RNF14: variants seen among roughly 807,000 people sequenced by gnomAD.
RNF14 encodes the protein ring finger protein 14.
Under a neutral mutation model 52.6 loss-of-function variants are expected in RNF14, and 26 were observed. That is an observed-to-expected ratio of 0.49 (90% CI 0.36 to 0.69). The LOEUF (loss-of-function observed/expected upper bound fraction) is 0.69. Ranked by LOEUF, RNF14 falls within the 30% of genes least tolerant of loss-of-function variation. RNF14 has a pLI of 0.00. For missense variants in RNF14, 404 were observed against 560.4 expected (o/e 0.72, Z 2.82); for synonymous variants, 194 against 202.0 (o/e 0.96, Z 0.34).
rs1482754146 is a variant in RNF14 at position 141,978,799 on chromosome 5, C to T, written c.803C>T (p.Pro268Leu). ...GTTCAATGCCTCAACTGCCCAGAACCAAAGTGCCCTTCGGTGGCCACTCCT... is the reference window on the plus strand; with the variant it reads ...GTTCAATGCCTCAACTGCCCAGAACTAAAGTGCCCTTCGGTGGCCACTCCT... ...GQVQCLNCPE[P>L]KCPSVATPGQ... The change falls in exon 5 of 9, where the codon CCA becomes CTA. Residue 268 changes from proline (P) to leucine (L), a missense_variant. By Grantham distance (98) the Pro-to-Leu change is moderately conservative. Coordinates refer to ENST00000394520, the MANE Select transcript of RNF14 (RefSeq NM_004290.5). 1.2e-6 allele frequency: 2 copies of T among 1,613,910 alleles called. No homozygotes were observed. Among genetic ancestry groups the T allele is most frequent in the Non-Finnish European group, 1.7e-6 (2 of 1,179,820 alleles).
chr5:141,966,097 A>G (rs920319233), upstream of RNF14, among the ~76,000 whole-genome samples: 5 of 152,142 alleles, frequency 3.3e-5, no homozygotes, highest in Non-Finnish European at 5.9e-5. Flanking sequence ...CCTGGGCAAC[A>G]TGGTGAAACC....
At chr5:141,956,970 G>A, upstream of RNF14, 2 of 1,614,182 alleles carry the variant, frequency 1.2e-6, no homozygotes, top group African/African-American at 1.3e-5. Flanking sequence ...CAATACTGAA[G>A]GTGTCCAGCA....
chr5:141,978,962 G>A (rs1192034133), intron 5 of RNF14, 132 bp downstream of exon 5: 1 of 931,992 alleles, frequency 1.1e-6, no homozygotes, highest in African/African-American at 1.7e-5. Flanking sequence ...TTGTTTTGCT[G>A]TATCCATTAA....
At chr5:141,957,311 C>T, upstream of RNF14, 1 of 1,613,006 alleles carries the variant, frequency 6.2e-7, no homozygotes, top group Non-Finnish European at 8.5e-7. This position sits in a 1 kb window ranked among gnomAD's most constrained non-coding sequence, Gnocchi z 4.3. Flanking sequence ...ACATCCAAGG[C>T]AAAGTGCTCA....
the RNF14 span, among the ~76,000 whole-genome samples, chr5:141,950,609 A>G: frequency 1.3e-5 from 2 of 152,124 alleles, no homozygotes; most frequent in African/African-American, 4.8e-5. Context: ...ATAAAGCAAG[A>G]CTTCAAATCC....
the RNF14 span, chr5:141,949,360 T>C: frequency 1.3e-6 from 2 of 1,514,154 alleles, no homozygotes; most frequent in South Asian, 2.7e-5. Flanking sequence ...CTGCAGTGGA[T>C]TGGAGCAGAA....
chr5:141,967,486 C>G (rs1179233897), upstream of RNF14, among the ~76,000 whole-genome samples: 1 of 152,106 alleles, frequency 6.6e-6, no homozygotes, highest in African/African-American at 2.4e-5. Flanking sequence ...CATCCTTCCC[C>G]CTAAGTCCCC....
intron 2 of RNF14, among the ~76,000 whole-genome samples, chr5:141,971,607 C>T: frequency 3.0e-5 from 3 of 100,116 alleles, no homozygotes; most frequent in Admixed American, 1.1e-4. Context: ...TTCTTTCTTT[C>T]TTTCCTTTCT....
At chr5:141,967,317 C>G (rs1753376613), upstream of RNF14, among the ~76,000 whole-genome samples, 1 of 152,076 alleles carries the variant, frequency 6.6e-6, no homozygotes, top group South Asian at 2.1e-4. Context: ...CAGGGCACTT[C>G]TTTTTTATTT....
intron 4 of RNF14, among the ~76,000 whole-genome samples, chr5:141,976,064 C>G (rs1754219426): frequency 6.6e-6 from 1 of 152,168 alleles, no homozygotes; most frequent in Non-Finnish European, 1.5e-5. Context: ...AGTACTTTCA[C>G]AAACTAGAGC....
intron 4 of RNF14, among the ~76,000 whole-genome samples, chr5:141,975,462 C>T (rs907631817): frequency 2.0e-5 from 3 of 152,164 alleles, no homozygotes; most frequent in Non-Finnish European, 2.9e-5. Context: ...ACTGGTATCA[C>T]GTAGACATAA....
At chr5:141,954,394 T>G (rs9324860), upstream of RNF14, among the ~76,000 whole-genome samples, 67 of 152,326 alleles carry the variant, frequency 4.4e-4, no homozygotes, top group African/African-American at 1.5e-3. Flanking sequence ...AGAAGTGCTT[T>G]GAGGAAGTAA....
Position 141,974,936 on chromosome 5 carries a change from A to T in RNF14, c.287A>T (p.Lys96Ile). The T allele has an allele frequency of 6.2e-7, 1 of 1,613,770 alleles. No individual in the cohort carries two copies. The highest frequency in any genetic ancestry group is 1.1e-5 in the South Asian group (1 of 90,998). ...CCACCTTCATTCACACTTAGTGGCAAATGGCTGTCACCAACTCAGGTTAGA... is the reference window on the plus strand; with the variant it reads ...CCACCTTCATTCACACTTAGTGGCATATGGCTGTCACCAACTCAGGTTAGA... ...SSPPSFTLSG[K>I]WLSPTQLSAL... Residue 96 changes from lysine to isoleucine, a missense_variant, in exon 4 of 9, where the codon AAA (lysine) becomes ATA (isoleucine). Transcript: ENST00000394520.
intron 2 of RNF14, among the ~76,000 whole-genome samples, 170 bp downstream of exon 2, chr5:141,971,047 A>C (rs981317705): frequency 1.3e-5 from 2 of 152,218 alleles, no homozygotes; most frequent in Non-Finnish European, 2.9e-5. Context: ...CTTTTTACTT[A>C]TGTACATTTT....
At chr5:141,975,025 T>C in intron 4 of RNF14, 70 bp downstream of exon 4, 1 of 1,492,630 alleles carries the variant, frequency 6.7e-7, no homozygotes, top group Non-Finnish European at 9.2e-7. Context: ...TTGAAGACTA[T>C]CTTAAAGATC....
At chr5:141,963,217 A>G (rs1753288774), upstream of RNF14, 1 of 152,028 alleles carries the variant, frequency 6.6e-6, no homozygotes, top group South Asian at 2.1e-4. Context: ...CCTTTCCTCT[A>G]CGTAGGGTTA....
intron 4 of RNF14, among the ~76,000 whole-genome samples, chr5:141,975,851 G>T (rs764856832): frequency 8.6e-5 from 13 of 151,756 alleles, no homozygotes; most frequent in Non-Finnish European, 1.9e-4. Flanking sequence ...CTTGAGCCTG[G>T]GTGGCAGAGA....
chr5:141,965,796 T>G (rs187544), upstream of RNF14, among the ~76,000 whole-genome samples: 127,453 of 151,938 alleles, frequency 0.84, 53,605 homozygotes, highest in East Asian at 0.98. Context: ...CAACACACAC[T>G]GGGGCCTACC....
chr5:141,955,234 C>T (rs756386790), upstream of RNF14: 1 of 1,614,194 alleles, frequency 6.2e-7, no homozygotes. This position sits in a 1 kb window ranked among gnomAD's most constrained non-coding sequence, Gnocchi z 5.5. Context: ...ACGTGGCTGG[C>T]CTGTGGCAGG....
Sources: gnomAD v4.1 joint callset for allele counts (sites outside exome capture counted in the v4.1 genomes callset) on GRCh38, gnomAD v4.1.1 for gene constraint, Gnocchi (gnomAD v3.1) non-coding constraint, MANE v1.5 for transcripts, NCBI Gene and HGNC (gene_info 2026-07-23, HGNC 2026-07-21) for gene names.